The following ROBO2 variants were observed in gnomAD, a reference collection of about 807,000 sequenced individuals.
ROBO2 encodes the protein roundabout homolog 2.
In ROBO2, 53 loss-of-function variants were observed where a neutral mutation model predicts 160.8. That is an observed-to-expected ratio of 0.33 (90% CI 0.26 to 0.41). ROBO2 has a LOEUF of 0.41. Among genes scored for constraint, ROBO2 ranks in the 10% least tolerant of loss-of-function variants. ROBO2 has a pLI of 1.00. For synonymous variants in ROBO2, 664 were observed against 611.7 expected (o/e 1.09, Z -1.26); for missense variants, 1,577 against 1,722.4 (o/e 0.92, Z 1.49).
chr3:76,066,181 A>C (rs1256082009), intron 2 of ROBO2, among the ~76,000 whole-genome samples: 1 of 152,112 alleles, frequency 6.6e-6, no homozygotes, highest in Admixed American at 6.5e-5. Flanking sequence ...ATGATGAATC[A>C]TATTATATTT....
chr3:77,167,810 T>C (rs1372885471), intron 2 of ROBO2, among the ~76,000 whole-genome samples: 1 of 152,188 alleles, frequency 6.6e-6, no homozygotes, highest in Non-Finnish European at 1.5e-5. Context: ...TTATGGAAGT[T>C]ACCCTGACAC....
intron 2 of ROBO2, among the ~76,000 whole-genome samples, chr3:76,759,295 A>T (rs1046072684): frequency 1.3e-5 from 2 of 151,844 alleles, no homozygotes; most frequent in Non-Finnish European, 1.5e-5. Flanking sequence ...CGAATCAATT[A>T]TACAACTCTT....
At chr3:76,262,184 A>G (rs1172958465) in intron 2 of ROBO2, among the ~76,000 whole-genome samples, 2 of 152,116 alleles carry the variant, frequency 1.3e-5, no homozygotes, top group African/African-American at 2.4e-5. Context: ...AAACTAGACA[A>G]TTGTATTTAA....
At chr3:77,608,185 T>C (rs2094562376) in intron 21 of ROBO2, among the ~76,000 whole-genome samples, 1 of 152,176 alleles carries the variant, frequency 6.6e-6, no homozygotes, top group Admixed American at 6.5e-5. Context: ...CCTTAGATTG[T>C]CTGCAATCAT....
At chr3:76,566,133 C>T (rs1198055861) in intron 2 of ROBO2, among the ~76,000 whole-genome samples, 1 of 152,056 alleles carries the variant, frequency 6.6e-6, no homozygotes, top group Non-Finnish European at 1.5e-5. Context: ...CTCAAGAGTA[C>T]TTTCAGAACA....
chr3:77,283,431 A>G (rs987152370), intron 2 of ROBO2, among the ~76,000 whole-genome samples: 17 of 152,222 alleles, frequency 1.1e-4, no homozygotes, highest in African/African-American at 4.1e-4. Flanking sequence ...TAAGGCAAGC[A>G]CCAGCAAAGC....
intron 2 of ROBO2, among the ~76,000 whole-genome samples, chr3:76,479,966 A>T (rs537045185): frequency 2.2e-4 from 34 of 152,260 alleles, no homozygotes; most frequent in Non-Finnish European, 4.3e-4. Flanking sequence ...TGATTTGATG[A>T]TATTTACTGG....
chr3:77,269,309 T>C (rs2059338030), intron 2 of ROBO2, among the ~76,000 whole-genome samples: 1 of 152,164 alleles, frequency 6.6e-6, no homozygotes, highest in Non-Finnish European at 1.5e-5. Context: ...GAAGTCATTG[T>C]CTTCTGTCCT....
intron 2 of ROBO2, among the ~76,000 whole-genome samples, chr3:77,369,883 G>T (rs1003835403): frequency 1.3e-5 from 2 of 152,178 alleles, no homozygotes; most frequent in Non-Finnish European, 2.9e-5. Flanking sequence ...GGGCTTTAGT[G>T]TTAGGAGACA....
Position 77,228,435 on chromosome 3 carries a change from A to C in ROBO2, c.388+130095A>C, listed in dbSNP as rs55844623. Among the ~76,000 whole-genome samples the C allele has an allele frequency of 7.9e-3, 1,192 of 150,446 alleles. 11 individuals are homozygous for C. Among genetic ancestry groups the C allele is most frequent in the African/African-American group, 0.025 (1,032 of 40,836 alleles). On this transcript the variant is annotated intron_variant, in intron 2 of 25. Coordinates refer to ENST00000461745, the Ensembl canonical transcript of ROBO2. ...CACAAACACACACACACACACACAC[A>C]CCCTTTTTTTTTAATTTCAAAAATT...
chr3:77,153,413 C>G (rs776945365), intron 2 of ROBO2, among the ~76,000 whole-genome samples: 13 of 151,964 alleles, frequency 8.6e-5, no homozygotes, highest in Non-Finnish European at 1.5e-4. Context: ...TACCATTTTC[C>G]CATGTATTTT....
chr3:77,447,482 G>A (rs921530103), intron 2 of ROBO2, among the ~76,000 whole-genome samples: 1 of 152,060 alleles, frequency 6.6e-6, no homozygotes, highest in Non-Finnish European at 1.5e-5. Flanking sequence ...AAGGCTTAAT[G>A]TAATAGGCTT....
intron 2 of ROBO2, among the ~76,000 whole-genome samples, chr3:77,220,929 A>T (rs2085703752): frequency 6.6e-6 from 1 of 152,220 alleles, no homozygotes; most frequent in Non-Finnish European, 1.5e-5. Context: ...TTTTTCTATT[A>T]TAAAAAAATA....
intron 2 of ROBO2, among the ~76,000 whole-genome samples, chr3:76,715,818 A>G (rs180746001): frequency 4.1e-4 from 63 of 152,282 alleles, no homozygotes; most frequent in Admixed American, 1.2e-3. Context: ...CCACTCTTTT[A>G]TTCTCTCTTA....
chr3:77,582,964 A>C (rs2153678847), intron 16 of ROBO2, among the ~76,000 whole-genome samples: 1 of 151,780 alleles, frequency 6.6e-6, no homozygotes, highest in Middle Eastern at 3.4e-3. Flanking sequence ...ACATGGTGAA[A>C]CCCCATCTCT....
At chr3:76,767,720 T>G (rs995679461) in intron 2 of ROBO2, among the ~76,000 whole-genome samples, 7 of 151,556 alleles carry the variant, frequency 4.6e-5, no homozygotes, top group Non-Finnish European at 1.0e-4. Flanking sequence ...TTTTAATTAA[T>G]GTATCACATT....
chr3:76,496,991 C>T (rs756929019), intron 2 of ROBO2, among the ~76,000 whole-genome samples: 1 of 152,152 alleles, frequency 6.6e-6, no homozygotes, highest in African/African-American at 2.4e-5. Context: ...CCAAACTCTA[C>T]AAACTTCCCA....
chr3:77,323,422 C>T (rs555139108), intron 2 of ROBO2, among the ~76,000 whole-genome samples: 3 of 152,174 alleles, frequency 2.0e-5, no homozygotes, highest in Non-Finnish European at 4.4e-5. Context: ...ATCTAAGAAG[C>T]TCCTCCATGC....
chr3:77,267,050 G>T (rs2059169004), intron 2 of ROBO2, among the ~76,000 whole-genome samples: 2 of 152,060 alleles, frequency 1.3e-5, no homozygotes, highest in South Asian at 2.1e-4. Flanking sequence ...TCCTCTTTCA[G>T]TTATGAAAGA....
Sources: allele counts gnomAD v4.1 joint callset (sites outside exome capture counted in the v4.1 genomes callset), GRCh38; gene constraint gnomAD v4.1.1; transcripts MANE v1.5; gene names NCBI Gene and HGNC (gene_info 2026-07-23, HGNC 2026-07-21).